SCLT1: variants seen among roughly 807,000 people sequenced by gnomAD.
The protein encoded by SCLT1 is sodium channel-associated protein 1.
In SCLT1, 78 loss-of-function variants were observed where a neutral mutation model predicts 112.8. The ratio of observed to expected loss-of-function variants is 0.69; its 90% CI spans 0.58 to 0.83. SCLT1 has a LOEUF of 0.83. Among genes scored for constraint, SCLT1 ranks in the 40% least tolerant of loss-of-function variants. The pLI is 0.00. For missense variants in SCLT1, 747 were observed against 770.4 expected (o/e 0.97, Z 0.36); for synonymous variants, 257 against 254.7 (o/e 1.01, Z -0.09).
At chr4:129,007,235 C>T (rs189477458) in intron 5 of SCLT1, among the ~76,000 whole-genome samples, 6 of 151,910 alleles carry the variant, frequency 3.9e-5, no homozygotes, top group African/African-American at 9.7e-5. Flanking sequence ...TATTAGTATT[C>T]TATATATGTC....
rs59125232 is a variant in SCLT1, at chr4:129,004,827, C to CA, written c.291-952dup. ...ACTGAGAAGGTAAACACTTTAGAAACAAAAAAATTAATTACTCTGAAGAAA... is the reference window on the plus strand; with the variant it reads ...ACTGAGAAGGTAAACACTTTAGAAACAAAAAAAATTAATTACTCTGAAGAAA... On this transcript the variant is annotated intron_variant, in intron 5 of 20. Coordinates refer to ENST00000281142, the MANE Select transcript of SCLT1 (RefSeq NM_144643.4). Among the ~76,000 whole-genome samples, 1,497 of 151,380 alleles carry CA rather than the reference C, an allele frequency of 9.9e-3. 21 individuals carry two copies. The highest frequency in any genetic ancestry group is 0.033 in the African/African-American group (1,359 of 41,470).
At chr4:129,043,259 T>C (rs1747872476) in intron 4 of SCLT1, 136 bp downstream of exon 4, 3 of 629,508 alleles carry the variant, frequency 4.8e-6, no homozygotes, top group Non-Finnish European at 5.7e-6. Flanking sequence ...CACACACATT[T>C]ACATAGGGCC....
intron 2 of SCLT1, among the ~76,000 whole-genome samples, chr4:129,055,309 T>C (rs1448724101): frequency 6.6e-6 from 1 of 152,196 alleles, no homozygotes. Flanking sequence ...GGGAGGATCC[T>C]GCTTGTCAGG....
intron 5 of SCLT1, among the ~76,000 whole-genome samples, chr4:129,011,349 T>G (rs1186734894): frequency 6.6e-6 from 1 of 152,196 alleles, no homozygotes. Flanking sequence ...TTTGTCTCTA[T>G]GTTCATCAGG....
At chr4:128,889,821 C>T (rs1733172925) in intron 19 of SCLT1, among the ~76,000 whole-genome samples, 1 of 152,200 alleles carries the variant, frequency 6.6e-6, no homozygotes, top group Middle Eastern at 3.4e-3. Context: ...ATAATACAAG[C>T]CTAATCAGGA....
At chr4:128,990,688 A>C (rs560224804) in intron 9 of SCLT1, among the ~76,000 whole-genome samples, 1 of 152,022 alleles carries the variant, frequency 6.6e-6, no homozygotes, top group Admixed American at 6.6e-5. Flanking sequence ...TTATATTTAG[A>C]AAAACCTAAA....
At chr4:128,887,985 T>A (rs1218820693) in intron 20 of SCLT1, among the ~76,000 whole-genome samples, 1 of 152,180 alleles carries the variant, frequency 6.6e-6, no homozygotes, top group Non-Finnish European at 1.5e-5. Flanking sequence ...TAGGACATAA[T>A]TCTAGAGCAG....
intron 5 of SCLT1, among the ~76,000 whole-genome samples, chr4:129,031,210 A>C (rs1746689202): frequency 6.6e-6 from 1 of 152,130 alleles, no homozygotes; most frequent in African/African-American, 2.4e-5. Flanking sequence ...AATGACAAAA[A>C]CCACATGATT....
intron 5 of SCLT1, among the ~76,000 whole-genome samples, chr4:129,025,371 C>A (rs1745949787): frequency 6.6e-6 from 1 of 152,204 alleles, no homozygotes; most frequent in African/African-American, 2.4e-5. Context: ...CGCTACAAGC[C>A]AGAAGAGAGT....
At chr4:128,936,604 G>T in intron 18 of SCLT1, 51 bp downstream of exon 18, 7 of 1,151,574 alleles carry the variant, frequency 6.1e-6, no homozygotes, top group Non-Finnish European at 8.6e-6. Context: ...TAAACTATAG[G>T]TTAAAGAATT....
chr4:129,016,494 A>G (rs564636504), intron 5 of SCLT1, among the ~76,000 whole-genome samples: 1 of 152,288 alleles, frequency 6.6e-6, no homozygotes, highest in East Asian at 1.9e-4. Flanking sequence ...ATTATTTCTA[A>G]TGATTCTTTT....
chr4:129,052,667 T>C (rs955574766), intron 2 of SCLT1, among the ~76,000 whole-genome samples: 2 of 152,134 alleles, frequency 1.3e-5, no homozygotes, highest in Admixed American at 1.3e-4. Context: ...CATTGATCTT[T>C]TAGAAAAATT....
At chr4:128,936,478 A>G (rs1281277095) in intron 18 of SCLT1, among the ~76,000 whole-genome samples, 177 bp downstream of exon 18, 2 of 152,206 alleles carry the variant, frequency 1.3e-5, no homozygotes, top group African/African-American at 4.8e-5. Context: ...TAAAAAATAT[A>G]ATATTTGCTT....
At chr4:129,089,210 A>G (rs955393246) in intron 1 of SCLT1, among the ~76,000 whole-genome samples, 16 of 152,250 alleles carry the variant, frequency 1.1e-4, no homozygotes, top group Non-Finnish European at 1.9e-4. Flanking sequence ...ATAAACAAAC[A>G]CTTCTCAAAA....
intron 11 of SCLT1, among the ~76,000 whole-genome samples, chr4:128,960,571 T>C (rs1339253465): frequency 1.3e-5 from 2 of 152,194 alleles, no homozygotes; most frequent in Non-Finnish European, 2.9e-5. Context: ...TTTCTTCTAA[T>C]CTTCTTTGCA....
chr4:129,035,998 A>C (rs1008324378), intron 5 of SCLT1, among the ~76,000 whole-genome samples: 30 of 152,100 alleles, frequency 2.0e-4, no homozygotes, highest in Non-Finnish European at 2.9e-5. Context: ...ATACTTTTAC[A>C]TAATCCACAC....
intron 5 of SCLT1, among the ~76,000 whole-genome samples, chr4:129,009,698 T>C (rs1744350745): frequency 6.6e-6 from 1 of 152,206 alleles, no homozygotes; most frequent in South Asian, 2.1e-4. Flanking sequence ...GGTTTTGATT[T>C]GCATTTCTCT....
intron 5 of SCLT1, among the ~76,000 whole-genome samples, chr4:129,024,055 G>A (rs1467949540): frequency 5.9e-5 from 9 of 152,218 alleles, no homozygotes; most frequent in Non-Finnish European, 1.0e-4. Flanking sequence ...ACTGGGTGGA[G>A]CCCACCACAG....
At chr4:128,875,652 T>C (rs1732499653) in intron 4 of SCLT1, among the ~76,000 whole-genome samples, 1 of 152,198 alleles carries the variant, frequency 6.6e-6, no homozygotes, top group Non-Finnish European at 1.5e-5. Context: ...GTAGTTGTGA[T>C]TATTTAAAGC....
Sources: allele counts gnomAD v4.1 joint callset (sites outside exome capture counted in the v4.1 genomes callset), GRCh38; gene constraint gnomAD v4.1.1; transcripts MANE v1.5; gene names NCBI Gene and HGNC (gene_info 2026-07-23, HGNC 2026-07-21).